Variants in SRGAP3 observed in about 807,000 individuals in gnomAD.
The protein encoded by SRGAP3 is SLIT-ROBO Rho GTPase-activating protein 3.
A neutral mutation model predicts 121.1 loss-of-function variants in SRGAP3; 39 were observed. The ratio of observed to expected loss-of-function variants is 0.32; its 90% CI spans 0.25 to 0.42. The LOEUF is 0.42. Among genes scored for constraint, SRGAP3 ranks in the 10% least tolerant of loss-of-function variants. The probability of loss-of-function intolerance (pLI) is 1.00; values close to 1 mark genes in which losing one functional copy is unlikely to be tolerated. For synonymous variants in SRGAP3, 601 were observed against 570.0 expected, an observed-to-expected ratio of 1.05 and a Z score of -0.77; for missense variants, 1,213 against 1,470.6, an observed-to-expected ratio of 0.82 and a Z score of 2.86.
chr3:9,034,106 G>T (rs1412495216), intron 11 of SRGAP3: 1 of 152,206 alleles, frequency 6.6e-6, no homozygotes, highest in African/African-American at 2.4e-5. Flanking sequence ...CACTGGACCC[G>T]TTTCCAGAAT....
intron 3 of SRGAP3, among the ~76,000 whole-genome samples, chr3:9,101,801 C>T (rs1344709069): frequency 1.3e-5 from 2 of 152,182 alleles, no homozygotes; most frequent in Non-Finnish European, 2.9e-5. Flanking sequence ...TGATCACTAA[C>T]GATGGCCTCC....
At chr3:9,090,124 G>T (rs925220321) in intron 3 of SRGAP3, among the ~76,000 whole-genome samples, 3 of 152,130 alleles carry the variant, frequency 2.0e-5, no homozygotes, top group African/African-American at 7.2e-5. Flanking sequence ...TCAGTCTGTA[G>T]ATACCGAAAT....
chr3:9,220,460 C>G (rs1952777528), intron 1 of SRGAP3, among the ~76,000 whole-genome samples: 1 of 152,204 alleles, frequency 6.6e-6, no homozygotes, highest in Admixed American at 6.5e-5. Flanking sequence ...AGATGTGCCT[C>G]TGCTGCCTGC....
intron 2 of SRGAP3, among the ~76,000 whole-genome samples, chr3:9,108,425 C>T (rs2124926066): frequency 6.6e-6 from 1 of 152,112 alleles, no homozygotes; most frequent in East Asian, 1.9e-4. Context: ...CAAGACCAGC[C>T]TGGGCAACAT....
intron 14 of SRGAP3, among the ~76,000 whole-genome samples, chr3:9,024,336 T>C (rs1944079456): frequency 6.6e-6 from 1 of 152,188 alleles, no homozygotes; most frequent in Non-Finnish European, 1.5e-5. Flanking sequence ...TTTCCTCCCC[T>C]GGGATGAGGT....
intron 1 of SRGAP3, among the ~76,000 whole-genome samples, chr3:9,355,182 A>C (rs1198284771): frequency 2.6e-5 from 4 of 152,076 alleles, no homozygotes; most frequent in Admixed American, 2.6e-4. Context: ...CCCAAATCTA[A>C]AACACCAGCA....
chr3:9,287,542 G>C (rs1436644130), intron 3 of SRGAP3, among the ~76,000 whole-genome samples: 1 of 152,068 alleles, frequency 6.6e-6, no homozygotes, highest in Non-Finnish European at 1.5e-5. Flanking sequence ...CTTAGAAGTG[G>C]GAGCTAAACA....
Position 9,223,274 on chromosome 3 carries a change from C to T in SRGAP3, c.67+25611G>A, listed in dbSNP as rs139709734. ...AACAAAGACCATATGGCCCACAAAG[C>T]CTAAAATGTTTATCACCTGGTTTTT... is the stretch of plus-strand genomic sequence containing the variant. On this transcript the variant is annotated intron_variant, in intron 1 of 21. Transcript: ENST00000383836. Among the ~76,000 whole-genome samples, 251 of 152,252 alleles carry T rather than the reference C, an allele frequency of 1.6e-3. 3 individuals are homozygous for T. Among genetic ancestry groups the T allele is most frequent in the East Asian group, 0.014 (75 of 5,188 alleles).
chr3:9,194,761 A>G (rs1005729794), intron 1 of SRGAP3, among the ~76,000 whole-genome samples: 4 of 152,210 alleles, frequency 2.6e-5, no homozygotes, highest in African/African-American at 4.8e-5. Flanking sequence ...TAAAAACCTA[A>G]TGACAGGATG....
intron 3 of SRGAP3, among the ~76,000 whole-genome samples, chr3:9,319,470 C>T (rs751131446): frequency 5.3e-5 from 8 of 151,668 alleles, no homozygotes; most frequent in South Asian, 2.1e-4. Flanking sequence ...ACAGCAAGGG[C>T]CAGAATGGGT....
In SRGAP3 at chr3:9,278,995, C is replaced by T. The variant is rs574562280; in HGVS notation, n.442+47015G>A. Among the ~76,000 whole-genome samples the T allele has an allele frequency of 5.3e-5, 8 of 152,090 alleles. No homozygotes were observed. In the East Asian group the frequency reaches 9.7e-4, roughly 18 times the overall value. On this transcript the variant is annotated intron_variant and non_coding_transcript_variant, in intron 3 of 3. Coordinates refer to the SRGAP3 transcript ENST00000490889. ...TCAGGATTACATCCAATACCCTGGC[C>T]GGGCGTGGTGGTGCACATCTGTAAT... is the stretch of plus-strand genomic sequence containing the variant.
At chr3:9,096,879 A>G (rs916049231) in intron 3 of SRGAP3, among the ~76,000 whole-genome samples, 2 of 143,336 alleles carry the variant, frequency 1.4e-5, no homozygotes, top group African/African-American at 5.1e-5. Flanking sequence ...TAGCTAATAT[A>G]TAATATATTA....
chr3:9,293,418 T>A (rs1170245807), intron 3 of SRGAP3: 1 of 152,190 alleles, frequency 6.6e-6, no homozygotes, highest in Admixed American at 6.6e-5. Context: ...TCTTAATGAC[T>A]CAGAAATATC....
chr3:9,039,803 G>A (rs1370438334), intron 10 of SRGAP3, among the ~76,000 whole-genome samples: 2 of 152,092 alleles, frequency 1.3e-5, no homozygotes, highest in Admixed American at 6.6e-5. Flanking sequence ...CATATAGTAC[G>A]GTTTAGTAAT....
intron 1 of SRGAP3, among the ~76,000 whole-genome samples, chr3:9,229,849 G>A (rs1408425456): frequency 6.6e-6 from 1 of 152,160 alleles, no homozygotes; most frequent in Admixed American, 6.5e-5. Context: ...CCTGCTAAGC[G>A]CTCTGCTTCC....
At chr3:9,277,890 A>G (rs1954613236) in intron 3 of SRGAP3, among the ~76,000 whole-genome samples, 1 of 152,166 alleles carries the variant, frequency 6.6e-6, no homozygotes, top group Admixed American at 6.5e-5. Context: ...ACCTTTGGGG[A>G]AAAGATTAGC....
chr3:9,230,354 T>G (rs938901384), intron 1 of SRGAP3, among the ~76,000 whole-genome samples: 22 of 152,256 alleles, frequency 1.4e-4, no homozygotes, highest in African/African-American at 5.3e-4. Context: ...CTGCCTTCCT[T>G]GGTTTCCTGA....
In SRGAP3 at chr3:8,983,992, C is replaced by T. The variant is rs76964605; in HGVS notation, c.*1527G>A. ...GCGGCCCACAGGGCACACAGATTTG[C>T]CCGTGTGCCATTATCCAGAAACAGC... On this transcript the variant is annotated 3_prime_UTR_variant, in exon 22 of 22. Coordinates refer to ENST00000383836, the MANE Select transcript of SRGAP3 (RefSeq NM_014850.4). 0.019 allele frequency: 4,271 copies of T among 230,840 alleles called. 379 individuals carry two copies. In the East Asian group the frequency reaches 0.2, roughly 11 times the overall value. The allele number at this position is 230,840 out of a possible 1,614,324, so 14.3% of individuals were successfully genotyped here. A position where few individuals can be genotyped will look rare whatever the true frequency, so the allele number is the denominator to read the frequency against.
chr3:9,151,811 G>A (rs1358090974), intron 1 of SRGAP3, among the ~76,000 whole-genome samples: 1 of 152,192 alleles, frequency 6.6e-6, no homozygotes, highest in African/African-American at 2.4e-5. Flanking sequence ...AGTAAGGAAA[G>A]GTATTGCTGC....
Sources: allele counts gnomAD v4.1 joint callset (sites outside exome capture counted in the v4.1 genomes callset), GRCh38; gene constraint gnomAD v4.1.1; transcripts MANE v1.5; gene names NCBI Gene and HGNC (gene_info 2026-07-23, HGNC 2026-07-21).